Variants in SCAF8 observed in about 807,000 individuals in gnomAD.
The protein encoded by SCAF8 is SR-related CTD associated factor 8.
In SCAF8, 23 loss-of-function variants were observed where a neutral mutation model predicts 140.5. The observed-to-expected ratio is 0.16, with a 90% CI of 0.12 to 0.23. SCAF8 has a LOEUF of 0.23. Among genes scored for constraint, SCAF8 ranks in the 10% least tolerant of loss-of-function variants. SCAF8 has a pLI of 1.00. For missense variants in SCAF8, 1,397 were observed against 1,555.7 expected, an observed-to-expected ratio of 0.90 and a Z score of 1.72; for synonymous variants, 575 against 528.9, an observed-to-expected ratio of 1.09 and a Z score of -1.20.
intron 12 of SCAF8, among the ~76,000 whole-genome samples, chr6:154,813,810 T>G (rs1413456609): frequency 6.6e-6 from 1 of 151,762 alleles, no homozygotes; most frequent in Non-Finnish European, 1.5e-5. Flanking sequence ...GATGTGATAA[T>G]GAAAGGAGAG....
chr6:154,790,037 T>A (rs1777368452), intron 4 of SCAF8, among the ~76,000 whole-genome samples: 1 of 152,224 alleles, frequency 6.6e-6, no homozygotes, highest in Admixed American at 6.5e-5. Context: ...TTCTTGAATG[T>A]GTAGATTTCA....
In SCAF8 at chr6:154,774,118, A is replaced by G. The variant is rs143451192; in HGVS notation, c.114+46A>G. On this transcript the variant is annotated intron_variant, in intron 2 of 19. Coordinates refer to ENST00000367178, the MANE Select transcript of SCAF8 (RefSeq NM_014892.5). ...TTCTATTTTCAAAAGAAAAAACTAT[A>G]TTAATAGTTTGGATGGGGGATAATT... 2.9e-4 allele frequency: 358 copies of G among 1,231,188 alleles called. 1 individual carries two copies. In the African/African-American group the frequency reaches 4.9e-3, roughly 17 times the overall value. The allele number at this position is 1,231,188 out of a possible 1,614,324, so 76.3% of individuals were successfully genotyped here. A position where few individuals can be genotyped will look rare whatever the true frequency, so the allele number is the denominator to read the frequency against.
chr6:154,785,374 A>C (rs568659046), intron 3 of SCAF8, among the ~76,000 whole-genome samples: 215 of 152,340 alleles, frequency 1.4e-3, no homozygotes, highest in African/African-American at 4.9e-3. Context: ...ATTGCTGGTT[A>C]CAGGATATGC....
At chr6:154,736,969 T>C (rs1305001483) in intron 1 of SCAF8, among the ~76,000 whole-genome samples, 1 of 149,760 alleles carries the variant, frequency 6.7e-6, no homozygotes, top group Non-Finnish European at 1.5e-5. Context: ...AGAAAAATAC[T>C]TTTTTTTTTA....
At chr6:154,758,236 A>T (rs143202643) in intron 1 of SCAF8, among the ~76,000 whole-genome samples, 13 of 152,216 alleles carry the variant, frequency 8.5e-5, no homozygotes, top group African/African-American at 3.1e-4. Flanking sequence ...TGCTGGCGAC[A>T]TTTTTAATAT....
intron 11 of SCAF8, 66 bp from the exon 12 acceptor site, chr6:154,809,949 T>C: frequency 7.7e-7 from 1 of 1,292,714 alleles, no homozygotes; most frequent in South Asian, 1.3e-5. Context: ...TTTCCCTCAC[T>C]TAGAAGTGAC....
At chr6:154,777,574 G>T (rs535269086) in intron 2 of SCAF8, among the ~76,000 whole-genome samples, 1 of 152,096 alleles carries the variant, frequency 6.6e-6, no homozygotes, top group African/African-American at 2.4e-5. Flanking sequence ...GTTATTTGTA[G>T]TTACTTGATT....
intron 18 of SCAF8, among the ~76,000 whole-genome samples, 153 bp from the exon 19 acceptor site, chr6:154,830,769 A>G (rs117822682): frequency 0.018 from 2,731 of 152,330 alleles, 51 homozygotes; most frequent in Non-Finnish European, 0.022. Flanking sequence ...TAGCCTATTC[A>G]TGATGACTCC....
chr6:154,759,831 A>G (rs144865199), intron 1 of SCAF8, among the ~76,000 whole-genome samples: 7,781 of 151,884 alleles, frequency 0.051, 566 homozygotes, highest in African/African-American at 0.16. Context: ...ACGCCCGGCT[A>G]ATTTTTTTGT....
intron 6 of SCAF8, among the ~76,000 whole-genome samples, chr6:154,797,398 A>AT (rs112002749): frequency 0.033 from 4,899 of 148,148 alleles, 152 homozygotes; most frequent in African/African-American, 0.06. Context: ...TTTATCAGTG[A>AT]TTTTTTTTTT....
chr6:154,804,581 G>A (rs1777861245), intron 8 of SCAF8, among the ~76,000 whole-genome samples: 1 of 152,118 alleles, frequency 6.6e-6, no homozygotes, highest in Non-Finnish European at 1.5e-5. Context: ...ACTGACCCAT[G>A]TTTTGCTTTC....
rs749568600 is a variant in SCAF8, at chr6:154,832,805, A to G, written c.3226A>G (p.Ile1076Val). The part of the protein sequence containing the change: ...DIRENLVRPG[I>V]DHLGRRDHFG... Reference sequence around the variant, plus strand: ...AAGAGAGAATCTTGTGAGGCCAGGTATAGATCATCTTGGTCGAAGAGACCA... The same window carrying G: ...AAGAGAGAATCTTGTGAGGCCAGGTGTAGATCATCTTGGTCGAAGAGACCA... Residue 1076 changes from isoleucine to valine, a missense_variant, in exon 20 of 20, where the codon ATA becomes GTA. By Grantham distance (29) the Ile-to-Val change is conservative (BLOSUM62 3). Around this residue, in one of 5 missense-constraint regions of SCAF8, gnomAD observed 930 missense variants for 874.6 expected, o/e 1.06. Coordinates refer to ENST00000367178, the MANE Select transcript of SCAF8 (RefSeq NM_014892.5). 1 of 1,613,864 alleles carries G rather than the reference A, an allele frequency of 6.2e-7. No individual in the cohort carries two copies. The highest frequency in any genetic ancestry group is 8.5e-7 in the Non-Finnish European group (1 of 1,179,998).
chr6:154,770,475 G>A (rs903088335), intron 1 of SCAF8, among the ~76,000 whole-genome samples: 1 of 151,668 alleles, frequency 6.6e-6, no homozygotes, highest in Non-Finnish European at 1.5e-5. Context: ...AGAGGTTGAG[G>A]TAGGAGGACC....
rs1342627247 is a variant in SCAF8, at chr6:154,833,383, T to C, written c.3804T>C (p.Thr1268=). The C allele has an allele frequency of 6.2e-7, 1 of 1,612,854 alleles. No individual in the cohort carries two copies. Among genetic ancestry groups the C allele is most frequent in the Non-Finnish European group, 8.5e-7 (1 of 1,179,556 alleles). Residue 1268 remains threonine, a synonymous_variant, in exon 20 of 20, where the codon ACT becomes ACC. Coordinates refer to ENST00000367178, the MANE Select transcript of SCAF8 (RefSeq NM_014892.5). ...ESEPVVESTE[T]EGT ...AACCAGTGGTAGAAAGCACAGAAAC[T>C]GAGGGGACATAATCATCACTCAGTA...
chr6:154,825,530 A>T (rs989277390), intron 17 of SCAF8, among the ~76,000 whole-genome samples: 11 of 151,688 alleles, frequency 7.3e-5, no homozygotes, highest in African/African-American at 2.7e-4. Flanking sequence ...GAAAGTAGCC[A>T]GGTGAGGTGG....
chr6:154,757,590 AT>A (rs1442401576), intron 1 of SCAF8, among the ~76,000 whole-genome samples: 2 of 152,194 alleles, frequency 1.3e-5, no homozygotes, highest in Non-Finnish European at 2.9e-5. Flanking sequence ...GATACCTAAT[AT>A]GTAACACATT....
chr6:154,795,457 A>C (rs1777573014), intron 6 of SCAF8, among the ~76,000 whole-genome samples: 1 of 152,214 alleles, frequency 6.6e-6, no homozygotes, highest in Non-Finnish European at 1.5e-5. Flanking sequence ...TCCTATCTTA[A>C]GGGGGACAGA....
chr6:154,794,928 TAAAAC>T (rs1194952091), intron 5 of SCAF8, 76 bp from the exon 6 acceptor site: 1 of 1,315,196 alleles, frequency 7.6e-7, no homozygotes, highest in Non-Finnish European at 1.0e-6. Flanking sequence ...ATAAAAGTAA[TAAAAC>T]AAGTTATTCT....
chr6:154,771,837 C>G (rs1001262356), intron 1 of SCAF8, among the ~76,000 whole-genome samples: 2 of 152,192 alleles, frequency 1.3e-5, no homozygotes, highest in African/African-American at 2.4e-5. Flanking sequence ...ACAAAATACA[C>G]CCAGTGACAA....
Sources: allele counts gnomAD v4.1 joint callset (sites outside exome capture counted in the v4.1 genomes callset), GRCh38; gene constraint gnomAD v4.1.1; regional missense constraint gnomAD v4.1.1; transcripts MANE v1.5; gene names NCBI Gene and HGNC (gene_info 2026-07-23, HGNC 2026-07-21).